ADAMTS3: variants seen among roughly 807,000 people sequenced by gnomAD.
ADAMTS3 encodes ADAM metallopeptidase with thrombospondin type 1 motif 3, also known as A disintegrin and metalloproteinase with thrombospondin motifs 3.
In ADAMTS3, 73 loss-of-function variants were observed where a neutral mutation model predicts 129.0. The ratio of observed to expected loss-of-function variants is 0.57; its 90% CI spans 0.47 to 0.69. ADAMTS3 has a LOEUF of 0.69. Ranked by LOEUF, ADAMTS3 falls within the 30% of genes least tolerant of loss-of-function variation. ADAMTS3 has a pLI of 0.00. For synonymous variants in ADAMTS3, 477 were observed against 510.8 expected (o/e 0.93, Z 0.89); for missense variants, 1,457 against 1,514.5 (o/e 0.96, Z 0.63).
intron 3 of ADAMTS3, among the ~76,000 whole-genome samples, chr4:72,530,508 AT>A (rs1273482880): frequency 6.6e-5 from 6 of 90,768 alleles, no homozygotes; most frequent in African/African-American, 2.7e-4. Context: ...ACAAATATAT[AT>A]TTATATATAA....
At chr4:72,511,884 GAATA>G (rs1455188564) in intron 3 of ADAMTS3, among the ~76,000 whole-genome samples, 3 of 152,096 alleles carry the variant, frequency 2.0e-5, no homozygotes, top group African/African-American at 4.8e-5. Flanking sequence ...ACAGATGAAT[GAATA>G]AAGAAAATGT....
chr4:72,405,165 T>TA (rs1404082532), intron 4 of ADAMTS3, among the ~76,000 whole-genome samples: 1 of 152,050 alleles, frequency 6.6e-6, no homozygotes, highest in African/African-American at 2.4e-5. Flanking sequence ...AGAACTACCA[T>TA]ATGATCCAGA....
intron 12 of ADAMTS3, 44 bp downstream of exon 12, chr4:72,313,633 T>C: frequency 1.9e-6 from 3 of 1,598,950 alleles, no homozygotes; most frequent in Non-Finnish European, 2.6e-6. Flanking sequence ...TGAAGTATTT[T>C]CTGGTCTCTC....
chr4:72,547,662 T>G (rs1010474628), intron 3 of ADAMTS3, among the ~76,000 whole-genome samples: 2 of 152,164 alleles, frequency 1.3e-5, no homozygotes, highest in African/African-American at 4.8e-5. Context: ...CAGACTAGTA[T>G]TTTAGTACAT....
chr4:72,349,957 C>T (rs1024797771), intron 4 of ADAMTS3, among the ~76,000 whole-genome samples: 1 of 151,982 alleles, frequency 6.6e-6, no homozygotes, highest in Non-Finnish European at 1.5e-5. Context: ...ATATCATACA[C>T]AGTTAACATA....
chr4:72,517,448 T>C (rs1287081110), intron 3 of ADAMTS3, among the ~76,000 whole-genome samples: 3 of 152,234 alleles, frequency 2.0e-5, no homozygotes, highest in African/African-American at 7.2e-5. Context: ...AGAATTCGGC[T>C]GTGAATCCAT....
intron 3 of ADAMTS3, among the ~76,000 whole-genome samples, chr4:72,530,473 T>TCAA (rs1360335326): frequency 1.2e-3 from 24 of 19,666 alleles, no homozygotes; most frequent in African/African-American, 7.3e-3. Context: ...ATATATTAAT[T>TCAA]TAATATATAA....
intron 3 of ADAMTS3, among the ~76,000 whole-genome samples, chr4:72,479,423 G>A (rs1414045882): frequency 1.4e-5 from 2 of 147,804 alleles, no homozygotes; most frequent in Non-Finnish European, 3.0e-5. Context: ...TGACAAACCT[G>A]ACAAAAACAA....
At chr4:72,447,502 C>T (rs964995896) in intron 3 of ADAMTS3, among the ~76,000 whole-genome samples, 1 of 151,654 alleles carries the variant, frequency 6.6e-6, no homozygotes, top group Admixed American at 6.6e-5. Context: ...TCAATTACAA[C>T]AAAATTTGAG....
At chr4:72,526,667 C>A (rs1720816320) in intron 3 of ADAMTS3, among the ~76,000 whole-genome samples, 1 of 128,578 alleles carries the variant, frequency 7.8e-6, no homozygotes, top group Non-Finnish European at 1.6e-5. Context: ...TTTATATAAC[C>A]ATATACACAT....
rs2073940485 is a variant in ADAMTS3 at position 72,288,752 on chromosome 4, A to G, written c.3048T>C (p.Asn1016=). The G allele has an allele frequency of 6.2e-7, 1 of 1,604,750 alleles. No homozygotes were observed. Among genetic ancestry groups the G allele is most frequent in the Non-Finnish European group, 8.5e-7 (1 of 1,171,472 alleles). ...SVRACQLPPC[N]DEPCLGDKSI... is the part of the protein sequence containing the mutation. ...GAAGTCAATTGGTGTGACACCTACC[A>G]TTACAAGGAGGCAGTTGACAGGCTC... Residue 1016 remains asparagine, a splice_region_variant and synonymous_variant, in exon 21 of 22, where the codon AAT becomes AAC. Coordinates refer to ENST00000286657, the MANE Select transcript of ADAMTS3 (RefSeq NM_014243.3).
chr4:72,359,600 C>T (rs72654001), intron 4 of ADAMTS3, among the ~76,000 whole-genome samples: 1 of 151,966 alleles, frequency 6.6e-6, no homozygotes, highest in Non-Finnish European at 1.5e-5. Flanking sequence ...TTTTTTCCCC[C>T]AGACTCTGGA....
intron 4 of ADAMTS3, among the ~76,000 whole-genome samples, chr4:72,368,210 A>T (rs2109863553): frequency 6.6e-6 from 1 of 152,294 alleles, no homozygotes; most frequent in East Asian, 1.9e-4. Flanking sequence ...CAAAATTGAG[A>T]TGGCTTTCTA....
chr4:72,379,942 C>T lies in ADAMTS3; in HGVS notation c.661+34873G>A, dbSNP rs532126981. On this transcript the variant is annotated intron_variant, in intron 4 of 21. Transcript: ENST00000286657. ...GTGTTTACCAGCTCAATACCTCTTG[C>T]TCTAGTGAATGTCTCTTCTCATTCA... 2.0e-5 allele frequency among the ~76,000 whole-genome samples: 3 copies of T among 152,202 alleles called. No individual in the cohort carries two copies. The South Asian group carries it at 6.2e-4, about 32-fold the overall frequency.
intron 3 of ADAMTS3, among the ~76,000 whole-genome samples, chr4:72,470,361 T>TTATACATATA (rs1553917047): frequency 2.6e-5 from 3 of 116,482 alleles, no homozygotes; most frequent in African/African-American, 9.2e-5. Context: ...TATTTTAAGT[T>TTATACATATA]TATATATATA....
At chr4:72,348,988 C>A (rs1720359639) in intron 4 of ADAMTS3, among the ~76,000 whole-genome samples, 1 of 151,854 alleles carries the variant, frequency 6.6e-6, no homozygotes, top group African/African-American at 2.4e-5. Flanking sequence ...ACCAGTCCAG[C>A]CACCTTAGAC....
At chr4:72,553,832 G>A (rs549242354) in intron 2 of ADAMTS3, among the ~76,000 whole-genome samples, 1 of 152,280 alleles carries the variant, frequency 6.6e-6, no homozygotes, top group Non-Finnish European at 1.5e-5. Flanking sequence ...GCACTTGCCT[G>A]TCAAAGTGGA....
chr4:72,541,646 G>A (rs1411704777), intron 3 of ADAMTS3, among the ~76,000 whole-genome samples: 7 of 152,136 alleles, frequency 4.6e-5, no homozygotes, highest in Non-Finnish European at 7.4e-5. Context: ...TCATGGGGGT[G>A]CGTTTTTCCC....
At chr4:72,424,314 A>G (rs1722518473) in intron 3 of ADAMTS3, among the ~76,000 whole-genome samples, 1 of 152,136 alleles carries the variant, frequency 6.6e-6, no homozygotes, top group Non-Finnish European at 1.5e-5. Context: ...GGAACATTAG[A>G]CATTACCATT....
Sources: allele counts gnomAD v4.1 joint callset (sites outside exome capture counted in the v4.1 genomes callset), GRCh38; gene constraint gnomAD v4.1.1; transcripts MANE v1.5; gene names NCBI Gene and HGNC (gene_info 2026-07-23, HGNC 2026-07-21).